HSPG2: variants seen among roughly 807,000 people sequenced by gnomAD.
HSPG2 encodes basement membrane-specific heparan sulfate proteoglycan core protein.
HSPG2 carries 278 observed loss-of-function variants against 526.6 expected under a neutral mutation model. The observed-to-expected ratio is 0.53, with a 90% CI of 0.48 to 0.58. The LOEUF (loss-of-function observed/expected upper bound fraction) is 0.58. HSPG2 is among the 20% of genes least tolerant of loss of function. HSPG2 has a pLI of 0.00. For synonymous variants in HSPG2, 2,465 were observed against 2,555.4 expected, an observed-to-expected ratio of 0.96 and a Z score of 1.07; for missense variants, 5,354 against 6,099.5, an observed-to-expected ratio of 0.88 and a Z score of 4.07.
intron 1 of HSPG2, among the ~76,000 whole-genome samples, chr1:21,931,221 CCT>C (rs1256993432): frequency 1.3e-5 from 2 of 152,264 alleles, no homozygotes; most frequent in Non-Finnish European, 2.9e-5. Flanking sequence ...GAGCCACACC[CCT>C]CTCAAGGCTG....
chr1:21,872,944 G>C lies in HSPG2; in HGVS notation c.3888+53C>G, dbSNP rs555992089. On this transcript the variant is annotated intron_variant, in intron 31 of 96. Transcript: ENST00000374695. The surrounding 1 kb of genome is among the most constrained non-coding windows in gnomAD (Gnocchi z 5.5). ...CAGATGCTGCCTGATTTCCCCGCAG[G>C]GTCTGGGCAGCGGGGCAGAGCAGGC... 4.5e-6 allele frequency: 7 copies of C among 1,572,790 alleles called. No individual in the cohort carries two copies. The South Asian group carries it at 7.7e-5, about 17-fold the overall frequency.
intron 64 of HSPG2, among the ~76,000 whole-genome samples, chr1:21,845,527 C>T (rs999061854): frequency 1.2e-4 from 18 of 152,110 alleles, no homozygotes; most frequent in South Asian, 6.2e-4. Context: ...TAACGGTAGG[C>T]GCCACCACAC....
In HSPG2 at chr1:21,864,025, T is replaced by C. The variant is rs1292143020; in HGVS notation, c.4740+75A>G. On this transcript the variant is annotated intron_variant, in intron 37 of 96. Coordinates refer to ENST00000374695, the MANE Select transcript of HSPG2 (RefSeq NM_005529.7). This position sits in a 1 kb window ranked among gnomAD's most constrained non-coding sequence, Gnocchi z 4.8. ...GATCCTGATCCCCTGGATTGATGCCTGCCTTGTCCAGCCCTGGTCCCCCAC... is the reference window on the plus strand; with the variant it reads ...GATCCTGATCCCCTGGATTGATGCCCGCCTTGTCCAGCCCTGGTCCCCCAC... 1.7e-5 allele frequency: 20 copies of C among 1,156,154 alleles called. No individual in the cohort carries two copies. The highest frequency in any genetic ancestry group is 2.3e-5 in the Non-Finnish European group (18 of 788,924). 71.6% of individuals were successfully genotyped at this position (1,156,154 alleles called of 1,614,324 possible).
At chr1:21,829,116 G>A (rs1262638647) in intron 87 of HSPG2, 37 bp from the exon 88 acceptor site, 1 of 1,525,148 alleles carries the variant, frequency 6.6e-7, no homozygotes, top group Non-Finnish European at 8.8e-7. Context: ...GCACATGGGG[G>A]CACACGGGGC....
intron 37 of HSPG2, among the ~76,000 whole-genome samples, chr1:21,863,818 C>A (rs1640015135): frequency 6.6e-6 from 1 of 151,928 alleles, no homozygotes; most frequent in Non-Finnish European, 1.5e-5. Context: ...ACCTTCTGAG[C>A]AACAAAGTGA....
chr1:21,847,225 T>C lies in HSPG2; in HGVS notation c.8164+129A>G, dbSNP rs1312836951. The C allele has an allele frequency of 2.0e-6, 2 of 1,015,854 alleles. No individual in the cohort carries two copies. Among genetic ancestry groups the C allele is most frequent in the East Asian group, 2.4e-5 (1 of 40,908 alleles). 62.9% of individuals were successfully genotyped at this position (1,015,854 alleles called of 1,614,324 possible). A position where few individuals can be genotyped will look rare whatever the true frequency, so the allele number is the denominator to read the frequency against. ...TTAGAAATGGGGTAGCCGTAGCCAC[T>C]GAACCCACGCATCTTTCCGCTGGCC... On this transcript the variant is annotated intron_variant, in intron 62 of 96. Transcript: ENST00000374695. The surrounding 1 kb of genome is among the most constrained non-coding windows in gnomAD (Gnocchi z 4.1).
chr1:21,924,706 G>A (rs1222420936), intron 1 of HSPG2, among the ~76,000 whole-genome samples: 1 of 152,048 alleles, frequency 6.6e-6, no homozygotes, highest in Non-Finnish European at 1.5e-5. Context: ...AGCTATCTTG[G>A]GGACTTCCTC....
Position 21,847,071 on chromosome 1 carries a change from C to T in HSPG2, c.8164+283G>A, listed in dbSNP as rs1638496467. Among the ~76,000 whole-genome samples, 1 of 152,170 alleles carries T rather than the reference C, an allele frequency of 6.6e-6. No individual in the cohort carries two copies. Among genetic ancestry groups the T allele is most frequent in the Admixed American group, 6.5e-5 (1 of 15,284 alleles). Reference sequence around the variant, plus strand: ...TGGCATGCCAGGCACGCTCTAAGCACATTACATGCACTAACTCACTTAACC... The same window carrying T: ...TGGCATGCCAGGCACGCTCTAAGCATATTACATGCACTAACTCACTTAACC... On this transcript the variant is annotated intron_variant, in intron 62 of 96. Coordinates refer to ENST00000374695, the MANE Select transcript of HSPG2 (RefSeq NM_005529.7). The surrounding 1 kb of genome is among the most constrained non-coding windows in gnomAD (Gnocchi z 4.1).
intron 1 of HSPG2, among the ~76,000 whole-genome samples, chr1:21,911,497 G>A (rs1312624890): frequency 6.6e-6 from 1 of 152,120 alleles, no homozygotes; most frequent in East Asian, 1.9e-4. Flanking sequence ...GGCTGGCTGG[G>A]GTCATCTTAG....
chr1:21,830,564 C>A (rs1475740078), intron 85 of HSPG2: 6 of 287,014 alleles, frequency 2.1e-5, no homozygotes, highest in Non-Finnish European at 4.0e-5. Flanking sequence ...GTGGCAGACA[C>A]TTGTATTCCC....
At chr1:21,829,696 C>T (rs1051201009) in intron 86 of HSPG2, 92 bp from the exon 87 acceptor site, 91 of 1,127,772 alleles carry the variant, frequency 8.1e-5, no homozygotes, top group Non-Finnish European at 5.3e-5. Flanking sequence ...CCCTTGCCTG[C>T]CTCACTCTCC....
Position 21,833,285 on chromosome 1 carries a change from C to T in HSPG2, c.11078G>A (p.Arg3693Gln), listed in dbSNP as rs746477724. Residue 3693 changes from arginine to glutamine, a missense_variant, in exon 80 of 97, where the codon CGG becomes CAG. Arg to Gln is a conservative substitution (Grantham distance 43, BLOSUM62 1). Transcript: ENST00000374695. ...YRKFEIKITF[R>Q]PDSADGMLLY... ...CTGCTCACCATCGGCTGAGTCGGGC[C>T]GGAAGGTGATCTTGATCTCGAACTT... 5.0e-5 allele frequency: 80 copies of T among 1,613,942 alleles called. No individual in the cohort carries two copies. In the Admixed American group the frequency reaches 1.1e-3, roughly 23 times the overall value.
At chr1:21,917,968 T>C (rs886069831) in intron 1 of HSPG2, among the ~76,000 whole-genome samples, 1 of 152,092 alleles carries the variant, frequency 6.6e-6, no homozygotes, top group Admixed American at 6.6e-5. Context: ...TTTAAACATA[T>C]GTATATATTC....
rs1251397458 is a variant in HSPG2 at position 21,864,928 on chromosome 1, G to A, written c.4541C>T (p.Ala1514Val). 1.9e-6 allele frequency: 3 copies of A among 1,607,428 alleles called. No individual in the cohort carries two copies. The highest frequency in any genetic ancestry group is 1.7e-5 in the Admixed American group (1 of 59,660). Residue 1514 changes from alanine to valine, a missense_variant, in exon 36 of 97, where the codon GCC becomes GTC. Ala to Val is a moderately conservative substitution (Grantham distance 64). Coordinates refer to ENST00000374695, the MANE Select transcript of HSPG2 (RefSeq NM_005529.7). The surrounding 1 kb of genome is among the most constrained non-coding windows in gnomAD (Gnocchi z 4.8). Reference protein sequence around the residue: ...ASISAVSLEVAQPGPSNRPRA... With the variant: ...ASISAVSLEVVQPGPSNRPRA... ...GGGTCTGTTTGAGGGCCCCGGCTGG[G>A]CGACCTCCAGGCTGACTGCGCTGAT...
At chr1:21,908,629 A>G in intron 1 of HSPG2, 1 of 605,738 alleles carries the variant, frequency 1.7e-6, no homozygotes. Context: ...AAAAAAAAAA[A>G]GTGTTTGCTG....
rs535175935 is a variant in HSPG2 at position 21,841,956 on chromosome 1, C to T, written c.9193+46G>A. On this transcript the variant is annotated intron_variant, in intron 69 of 96. Transcript: ENST00000374695. ...TTGCACAGTGGGGATGACGGCACCC[C>T]CATGCCTGCCCCCAGCTTGCCCACC... 3 of 1,609,042 alleles carry T rather than the reference C, an allele frequency of 1.9e-6. No individual in the cohort carries two copies. In the African/African-American group the frequency reaches 4.0e-5, roughly 21 times the overall value.
intron 1 of HSPG2, among the ~76,000 whole-genome samples, chr1:21,915,936 A>C (rs1003354300): frequency 6.6e-6 from 1 of 151,946 alleles, no homozygotes; most frequent in Non-Finnish European, 1.5e-5. Context: ...CTGTAATCCC[A>C]GCTACTCGGG....
chr1:21,893,765 G>A lies in HSPG2; in HGVS notation c.244+2157C>T, dbSNP rs370679956. ...AGAGGCAGAGACATTGCAAGAGAGA[G>A]GGAGACACAAAGAGACAGAAAGACA... On this transcript the variant is annotated intron_variant, in intron 3 of 96. Transcript: ENST00000374695. The surrounding 1 kb of genome is among the most constrained non-coding windows in gnomAD (Gnocchi z 4.3). Among the ~76,000 whole-genome samples, 6 of 152,052 alleles carry A rather than the reference G, an allele frequency of 3.9e-5. No individual in the cohort carries two copies. Among genetic ancestry groups the A allele is most frequent in the African/African-American group, 1.4e-4 (6 of 41,454 alleles).
chr1:21,935,034 G>C (rs530103576), intron 1 of HSPG2, among the ~76,000 whole-genome samples: 1 of 152,200 alleles, frequency 6.6e-6, no homozygotes, highest in South Asian at 2.1e-4. Flanking sequence ...AGCCTCCCGA[G>C]TAGTTGGGAT....
Sources: allele counts gnomAD v4.1 joint callset (sites outside exome capture counted in the v4.1 genomes callset), GRCh38; gene constraint gnomAD v4.1.1; non-coding constraint Gnocchi (gnomAD v3.1); transcripts MANE v1.5; gene names NCBI Gene and HGNC (gene_info 2026-07-23, HGNC 2026-07-21).